The following KCTD8 variants were observed in gnomAD, a reference collection of about 807,000 sequenced individuals.
The protein encoded by KCTD8 is BTB/POZ domain-containing protein KCTD8.
Under a neutral mutation model 31.5 loss-of-function variants are expected in KCTD8, and 27 were observed. The ratio of observed to expected loss-of-function variants is 0.86; its 90% CI spans 0.63 to 1.18. The LOEUF is 1.18. KCTD8 is among the 50% of genes most tolerant of loss of function. The probability of loss-of-function intolerance (pLI) is 0.00; values close to 1 mark genes in which losing one functional copy is unlikely to be tolerated. For missense variants in KCTD8, 658 were observed against 647.7 expected (o/e 1.02, Z -0.17); for synonymous variants, 290 against 280.0 (o/e 1.04, Z -0.36).
intron 1 of KCTD8, among the ~76,000 whole-genome samples, chr4:44,206,664 C>T (rs887240972): frequency 6.6e-6 from 1 of 152,152 alleles, no homozygotes; most frequent in Non-Finnish European, 1.5e-5. Flanking sequence ...TGAGTCTCTG[C>T]ATACCCCAAT....
At chr4:44,208,363 G>C (rs1714378789) in intron 1 of KCTD8, among the ~76,000 whole-genome samples, 1 of 152,112 alleles carries the variant, frequency 6.6e-6, no homozygotes, top group Admixed American at 6.6e-5. Context: ...GTAATTACCT[G>C]AGAGTACAGC....
chr4:44,174,959 C>T lies in KCTD8; in HGVS notation c.1253G>A (p.Ser418Asn), dbSNP rs1355108489. Residue 418 changes from serine (S) to asparagine (N), a missense_variant, in exon 2 of 2, where the codon AGC (serine) becomes AAC (asparagine). Physicochemically the swap from Ser to Asn is conservative, Grantham distance 46. Transcript: ENST00000360029. ...RNSELFQTLI[S>N]KSRETNLSKK... ...GGACAGATTTGTTTCCCGGGACTTG[C>T]TGATGAGGGTCTGAAAGAGTTCACT... 6.2e-7 allele frequency: 1 copy of T among 1,614,080 alleles called. No individual in the cohort carries two copies. The highest frequency in any genetic ancestry group is 1.7e-5 in the Admixed American group (1 of 60,000).
chr4:44,379,731 A>G (rs1186014462), intron 1 of KCTD8, among the ~76,000 whole-genome samples: 1 of 152,120 alleles, frequency 6.6e-6, no homozygotes, highest in Non-Finnish European at 1.5e-5. Flanking sequence ...AAACTAGGTA[A>G]TGGAATTAAG....
At chr4:44,319,116 T>A (rs1434359221) in intron 1 of KCTD8, among the ~76,000 whole-genome samples, 2 of 152,184 alleles carry the variant, frequency 1.3e-5, no homozygotes, top group Non-Finnish European at 2.9e-5. Context: ...TTAGCTAACC[T>A]AAGAAATTCA....
At chr4:44,308,197 G>A (rs1717856657) in intron 1 of KCTD8, among the ~76,000 whole-genome samples, 1 of 152,000 alleles carries the variant, frequency 6.6e-6, no homozygotes, top group Admixed American at 6.6e-5. Flanking sequence ...TTAGATGTAT[G>A]TGATGTCTCA....
intron 1 of KCTD8, among the ~76,000 whole-genome samples, chr4:44,234,539 A>G (rs1199510403): frequency 6.6e-6 from 1 of 152,206 alleles, no homozygotes; most frequent in Non-Finnish European, 1.5e-5. Flanking sequence ...ATACATGTCA[A>G]CTGAACAGGG....
In KCTD8 at chr4:44,279,118, T is replaced by C. The variant is rs532526311; in HGVS notation, c.962-103868A>G. 2.0e-5 allele frequency among the ~76,000 whole-genome samples: 3 copies of C among 152,210 alleles called. 1 individual carries two copies. Among genetic ancestry groups the C allele is most frequent in the African/African-American group, 7.2e-5 (3 of 41,574 alleles). On this transcript the variant is annotated intron_variant, in intron 1 of 1. Coordinates refer to ENST00000360029, the MANE Select transcript of KCTD8 (RefSeq NM_198353.3). ...TTCATTTTTATGTGTAAAATGGAGA[T>C]AGTCATATTTGCATAAAGGTGTGTG...
At chr4:44,230,345 A>T (rs1245974011) in intron 1 of KCTD8, among the ~76,000 whole-genome samples, 2 of 152,252 alleles carry the variant, frequency 1.3e-5, no homozygotes, top group African/African-American at 4.8e-5. Context: ...TAAAGAAACT[A>T]TGTAAGTTAA....
intron 1 of KCTD8, among the ~76,000 whole-genome samples, chr4:44,334,967 C>T (rs73815016): frequency 0.029 from 4,476 of 151,910 alleles, 235 homozygotes; most frequent in African/African-American, 0.1. Context: ...CACACAATGA[C>T]GAAATTTCAA....
chr4:44,353,626 C>A (rs1371607463), intron 1 of KCTD8, among the ~76,000 whole-genome samples: 3 of 151,988 alleles, frequency 2.0e-5, no homozygotes, highest in Non-Finnish European at 4.4e-5. Flanking sequence ...CTTCTCATTA[C>A]CCTTCCCAGC....
In KCTD8 at chr4:44,174,759, T is replaced by C. The variant is rs747064347; in HGVS notation, c.*31A>G. ...GTGACACTGTAGTAAACATTGAATG[T>C]CATCAAAATACTGCAGGAATGTGAC... On this transcript the variant is annotated 3_prime_UTR_variant, in exon 2 of 2. Transcript: ENST00000360029. 3 of 1,508,116 alleles carry C rather than the reference T, an allele frequency of 2.0e-6. No homozygotes were observed. Among genetic ancestry groups the C allele is most frequent in the South Asian group, 2.5e-5 (2 of 78,854 alleles). The allele number at this position is 1,508,116 out of a possible 1,614,324, so 93.4% of individuals were successfully genotyped here. A position where few individuals can be genotyped will look rare whatever the true frequency, so the allele number is the denominator to read the frequency against.
At chr4:44,337,673 C>CA (rs772899561) in intron 1 of KCTD8, among the ~76,000 whole-genome samples, 1 of 70,496 alleles carries the variant, frequency 1.4e-5, no homozygotes, top group African/African-American at 5.1e-5. Flanking sequence ...GACTCGATCT[C>CA]AAAAAATATA....
chr4:44,211,383 A>G (rs1243841493), intron 1 of KCTD8, among the ~76,000 whole-genome samples: 2 of 152,218 alleles, frequency 1.3e-5, no homozygotes, highest in African/African-American at 4.8e-5. Flanking sequence ...ATGAACACAT[A>G]TATAATATCT....
At chr4:44,302,645 A>T (rs1307820492) in intron 1 of KCTD8, among the ~76,000 whole-genome samples, 1 of 151,986 alleles carries the variant, frequency 6.6e-6, no homozygotes, top group Non-Finnish European at 1.5e-5. Flanking sequence ...TTCTAGATAT[A>T]CAATCATGTC....
intron 1 of KCTD8, among the ~76,000 whole-genome samples, chr4:44,271,622 C>T (rs913043538): frequency 6.6e-6 from 1 of 152,144 alleles, no homozygotes; most frequent in Non-Finnish European, 1.5e-5. Flanking sequence ...ACACCTGGCC[C>T]ACCCAGGGCA....
At chr4:44,350,806 T>C (rs1374204701) in intron 1 of KCTD8, among the ~76,000 whole-genome samples, 1 of 152,150 alleles carries the variant, frequency 6.6e-6, no homozygotes, top group Non-Finnish European at 1.5e-5. Flanking sequence ...AAATATTGAT[T>C]TTCTGCCCTA....
At chr4:44,364,531 C>T (rs1284307107) in intron 1 of KCTD8, among the ~76,000 whole-genome samples, 1 of 152,118 alleles carries the variant, frequency 6.6e-6, no homozygotes, top group Non-Finnish European at 1.5e-5. Context: ...TCTTGCAAAG[C>T]TAAACATAGT....
At chr4:44,401,846 C>T (rs757950182) in intron 1 of KCTD8, among the ~76,000 whole-genome samples, 1 of 152,128 alleles carries the variant, frequency 6.6e-6, no homozygotes, top group Non-Finnish European at 1.5e-5. Flanking sequence ...ACAATTCCTT[C>T]AGAAACTACC....
At chr4:44,407,356 G>C (rs73247543) in intron 1 of KCTD8, among the ~76,000 whole-genome samples, 23,393 of 150,510 alleles carry the variant, frequency 0.16, 1,963 homozygotes, top group Middle Eastern at 0.19. Flanking sequence ...CTCCGATATA[G>C]TCATGACATT....
Sources: allele counts gnomAD v4.1 joint callset (sites outside exome capture counted in the v4.1 genomes callset), GRCh38; gene constraint gnomAD v4.1.1; transcripts MANE v1.5; gene names NCBI Gene and HGNC (gene_info 2026-07-23, HGNC 2026-07-21).